The following CELF2 variants were observed in gnomAD, a reference collection of about 807,000 sequenced individuals.
The protein encoded by CELF2 is CUGBP Elav-like family member 2.
In CELF2, 8 loss-of-function variants were observed where a neutral mutation model predicts 62.6. That is an observed-to-expected ratio of 0.13 (90% CI 0.07 to 0.23). The LOEUF (loss-of-function observed/expected upper bound fraction) is 0.23. Ranked by LOEUF, CELF2 falls within the 10% of genes least tolerant of loss-of-function variation. The probability of loss-of-function intolerance (pLI) is 1.00; values close to 1 mark genes in which losing one functional copy is unlikely to be tolerated. For missense variants in CELF2, 333 were observed against 671.0 expected (o/e 0.50, Z 5.56); for synonymous variants, 258 against 250.0 (o/e 1.03, Z -0.30).
At chr10:10,558,728 A>G in the CELF2 span, among the ~76,000 whole-genome samples, 1 of 152,160 alleles carries the variant, frequency 6.6e-6, no homozygotes, top group Non-Finnish European at 1.5e-5. Flanking sequence ...TTATTGGTCT[A>G]TTCAGAGATT....
the CELF2 span, among the ~76,000 whole-genome samples, chr10:10,660,191 C>A: frequency 6.6e-6 from 1 of 152,148 alleles, no homozygotes; most frequent in Non-Finnish European, 1.5e-5. Context: ...AAACTGTTCA[C>A]GGATGATCAT....
rs530521608 is a variant in CELF2 at position 11,057,110 on chromosome 10, A to G, written c.74+38947A>G. Reference sequence around the variant, plus strand: ...CCCTGGTACCATCTGTGTAACAGAGAAACAGTTTGCCCTGATGAAAAATCA... The same window carrying G: ...CCCTGGTACCATCTGTGTAACAGAGGAACAGTTTGCCCTGATGAAAAATCA... On this transcript the variant is annotated intron_variant, in intron 1 of 12. Transcript: ENST00000633077. Among the ~76,000 whole-genome samples, 5 of 152,336 alleles carry G rather than the reference A, an allele frequency of 3.3e-5. No homozygotes were observed. The South Asian group carries it at 1.0e-3, about 32-fold the overall frequency.
the CELF2 span, among the ~76,000 whole-genome samples, chr10:10,575,723 G>C: frequency 1.3e-5 from 2 of 152,142 alleles, no homozygotes; most frequent in African/African-American, 4.8e-5. Context: ...GTTTGGTGCA[G>C]AATAGATGAT....
chr10:10,532,990 G>T, the CELF2 span, among the ~76,000 whole-genome samples: 1 of 151,856 alleles, frequency 6.6e-6, no homozygotes, highest in African/African-American at 2.4e-5. Context: ...AGCATTTCTG[G>T]CTTCGTGCTT....
the CELF2 span, among the ~76,000 whole-genome samples, chr10:10,523,742 C>G: frequency 6.6e-6 from 1 of 152,190 alleles, no homozygotes; most frequent in Non-Finnish European, 1.5e-5. Flanking sequence ...GAGCATGGCT[C>G]CTGCCCTCAC....
rs192900065 is a variant in CELF2, at chr10:11,079,827, T to A, written c.74+61664T>A. ...CTCACCTTTCCCTCTTGGGTCAGCT[T>A]CTGCCATCACCTGGCAGTATCATCA... On this transcript the variant is annotated intron_variant, in intron 1 of 12. Coordinates refer to ENST00000633077, the MANE Select transcript of CELF2 (RefSeq NM_001326342.2). Among the ~76,000 whole-genome samples, 3 of 150,228 alleles carry A rather than the reference T, an allele frequency of 2.0e-5. No homozygotes were observed. In the East Asian group the frequency reaches 6.1e-4, roughly 31 times the overall value.
chr10:10,741,041 T>C, the CELF2 span, among the ~76,000 whole-genome samples: 1 of 152,322 alleles, frequency 6.6e-6, no homozygotes, highest in East Asian at 1.9e-4. Flanking sequence ...AATACTGTAT[T>C]GCATACTAAT....
rs2071915183 is a variant in CELF2 at position 11,237,516 on chromosome 10, G to A, written c.355-11637G>A. ...CCTGCAAAGAGGCTCAGAAGATCCA[G>A]GTGAGGAGACTTGTTCCCAATTTGA... On this transcript the variant is annotated intron_variant, in intron 3 of 12. Coordinates refer to ENST00000633077, the MANE Select transcript of CELF2 (RefSeq NM_001326342.2). The surrounding 1 kb of genome is among the most constrained non-coding windows in gnomAD (Gnocchi z 4.0). Among the ~76,000 whole-genome samples, 1 of 152,220 alleles carries A rather than the reference G, an allele frequency of 6.6e-6. No homozygotes were observed. The highest frequency in any genetic ancestry group is 2.4e-5 in the African/African-American group (1 of 41,448).
At chr10:10,629,709 G>C in the CELF2 span, among the ~76,000 whole-genome samples, 2 of 152,000 alleles carry the variant, frequency 1.3e-5, no homozygotes, top group African/African-American at 4.8e-5. Flanking sequence ...CCAGTGAACT[G>C]TTTTCCGGTG....
At position 11,039,558 on chromosome 10, in the gene CELF2, G is replaced by A. The variant is rs1008001731; in HGVS notation, c.74+21395G>A. ...CACTGCTTGTCCCATGTTTGCCCAC[G>A]TACACATCTTATTTTGTAAGCTTTA... On this transcript the variant is annotated intron_variant, in intron 1 of 12. Transcript: ENST00000633077. The surrounding 1 kb of genome is among the most constrained non-coding windows in gnomAD (Gnocchi z 4.1). 1.3e-5 allele frequency among the ~76,000 whole-genome samples: 2 copies of A among 151,988 alleles called. No homozygotes were observed. Among genetic ancestry groups the A allele is most frequent in the African/African-American group, 2.4e-5 (1 of 41,370 alleles).
chr10:11,240,457 A>G (rs946425086), intron 3 of CELF2, among the ~76,000 whole-genome samples: 2 of 152,226 alleles, frequency 1.3e-5, no homozygotes, highest in African/African-American at 4.8e-5. Flanking sequence ...TATGTAGAAC[A>G]TTTCAGACAG....
chr10:11,320,478 A>G (rs1212518549), intron 10 of CELF2, among the ~76,000 whole-genome samples: 1 of 152,182 alleles, frequency 6.6e-6, no homozygotes. Context: ...CCACTTTGAT[A>G]CCGAACGAGT....
chr10:11,165,783 A>G lies in CELF2; in HGVS notation c.271+101A>G. ...CCTGCAGGAGGAAGGGCGGGTAGGC[A>G]GGAGGGCTGGAAGCAGCCGGTGCTG... On this transcript the variant is annotated intron_variant, in intron 2 of 12. Transcript: ENST00000633077. The surrounding 1 kb of genome is among the most constrained non-coding windows in gnomAD (Gnocchi z 7.4). 1 of 1,161,888 alleles carries G rather than the reference A, an allele frequency of 8.6e-7. No individual in the cohort carries two copies. The highest frequency in any genetic ancestry group is 2.6e-5 in the East Asian group (1 of 38,154). The allele number at this position is 1,161,888 out of a possible 1,614,324, so 72.0% of individuals were successfully genotyped here. A position where few individuals can be genotyped will look rare whatever the true frequency, so the allele number is the denominator to read the frequency against.
At chr10:10,722,176 A>T in the CELF2 span, among the ~76,000 whole-genome samples, 1 of 151,832 alleles carries the variant, frequency 6.6e-6, no homozygotes, top group African/African-American at 2.4e-5. Flanking sequence ...GGTGGCACAA[A>T]CCTGTAGTCC....
At chr10:10,818,263 A>G (rs2056656125) in intron 1 of CELF2, among the ~76,000 whole-genome samples, 1 of 152,200 alleles carries the variant, frequency 6.6e-6, no homozygotes. Flanking sequence ...TCTGCCAGGA[A>G]AAGACAGCTC....
At chr10:11,261,288 C>G (rs996381452) in intron 5 of CELF2, among the ~76,000 whole-genome samples, 25 of 152,174 alleles carry the variant, frequency 1.6e-4, no homozygotes, top group African/African-American at 6.0e-4. Context: ...CAGGTCCTCC[C>G]TAAGAGGGGT....
the CELF2 span, among the ~76,000 whole-genome samples, chr10:10,540,031 A>C: frequency 4.2e-4 from 64 of 152,040 alleles, no homozygotes; most frequent in Admixed American, 7.9e-4. Flanking sequence ...TATTTTTTAA[A>C]CCCCAGCTCT....
At chr10:10,499,744 G>A in the CELF2 span, among the ~76,000 whole-genome samples, 1 of 152,172 alleles carries the variant, frequency 6.6e-6, no homozygotes, top group Non-Finnish European at 1.5e-5. Flanking sequence ...CGGGCGTGGT[G>A]GCATGCGCCT....
chr10:11,082,223 G>C (rs1045183996), intron 1 of CELF2, among the ~76,000 whole-genome samples: 1 of 151,832 alleles, frequency 6.6e-6, no homozygotes, highest in Non-Finnish European at 1.5e-5. Flanking sequence ...AGAAAACATA[G>C]GAAAAAAAAA....
Sources: gnomAD v4.1 joint callset for allele counts (sites outside exome capture counted in the v4.1 genomes callset) on GRCh38, gnomAD v4.1.1 for gene constraint, Gnocchi (gnomAD v3.1) non-coding constraint, MANE v1.5 for transcripts, NCBI Gene and HGNC (gene_info 2026-07-23, HGNC 2026-07-21) for gene names.